The following PTPRJ variants were observed in gnomAD, a reference collection of about 807,000 sequenced individuals.
PTPRJ encodes the protein protein tyrosine phosphatase receptor type J.
A neutral mutation model predicts 141.3 loss-of-function variants in PTPRJ; 129 were observed. The ratio of observed to expected loss-of-function variants is 0.91; its 90% CI spans 0.79 to 1.06. The LOEUF (loss-of-function observed/expected upper bound fraction) is 1.06, where lower values mean the gene tolerates loss of function less well. PTPRJ is among the 50% of genes least tolerant of loss of function. The pLI, the probability that PTPRJ is intolerant of heterozygous loss-of-function variation, is 0.00. For synonymous variants in PTPRJ, 610 were observed against 640.5 expected, an observed-to-expected ratio of 0.95 and a Z score of 0.72; for missense variants, 1,601 against 1,679.7, an observed-to-expected ratio of 0.95 and a Z score of 0.82.
chr11:48,156,990 A>G (rs1037577824), intron 21 of PTPRJ, among the ~76,000 whole-genome samples: 2 of 150,870 alleles, frequency 1.3e-5, no homozygotes, highest in African/African-American at 4.9e-5. Flanking sequence ...CTTCCATCAA[A>G]GATAAGATTT....
chr11:48,014,436 A>G (rs1264707845), intron 1 of PTPRJ: 7 of 152,180 alleles, frequency 4.6e-5, no homozygotes, highest in Non-Finnish European at 1.0e-4. Flanking sequence ...ATCTCATGAG[A>G]CTAATGTTTT....
At chr11:48,075,712 C>T (rs1855381315) in intron 1 of PTPRJ, among the ~76,000 whole-genome samples, 1 of 152,168 alleles carries the variant, frequency 6.6e-6, no homozygotes, top group Non-Finnish European at 1.5e-5. Context: ...CGATTACAGG[C>T]GTGGGCCACC....
chr11:48,118,576 A>T (rs1185482800), intron 3 of PTPRJ, among the ~76,000 whole-genome samples: 1 of 152,224 alleles, frequency 6.6e-6, no homozygotes, highest in Non-Finnish European at 1.5e-5. Context: ...AACCTAATTT[A>T]ACAGCATATT....
At chr11:48,131,608 A>C in intron 8 of PTPRJ, 2 of 749,908 alleles carry the variant, frequency 2.7e-6, no homozygotes, top group South Asian at 2.9e-5. Context: ...CTGTTTTTGT[A>C]AATAAAGTTT....
At chr11:48,130,901 A>G (rs1013787769) in intron 8 of PTPRJ, among the ~76,000 whole-genome samples, 185 bp downstream of exon 8, 2 of 151,586 alleles carry the variant, frequency 1.3e-5, no homozygotes, top group African/African-American at 4.8e-5. Context: ...AAAAACTTAC[A>G]TGGAAACCAT....
intron 11 of PTPRJ, 117 bp from the exon 12 acceptor site, chr11:48,142,802 C>A: frequency 7.8e-7 from 1 of 1,285,166 alleles, no homozygotes; most frequent in African/African-American, 1.5e-5. Flanking sequence ...TTGCACGAGC[C>A]CAGCATGTAG....
chr11:48,161,709 T>C (rs1857782881), intron 22 of PTPRJ, among the ~76,000 whole-genome samples: 1 of 152,090 alleles, frequency 6.6e-6, no homozygotes, highest in Admixed American at 6.6e-5. Flanking sequence ...GCCTCTCGGG[T>C]CCAAGTGATT....
intron 1 of PTPRJ, among the ~76,000 whole-genome samples, chr11:48,028,809 C>T (rs1334455428): frequency 1.3e-5 from 2 of 152,030 alleles, no homozygotes; most frequent in African/African-American, 4.8e-5. Context: ...AACAAACAAA[C>T]AAAAAACCTT....
At chr11:48,163,985 A>G (rs1857849833) in intron 23 of PTPRJ, among the ~76,000 whole-genome samples, 1 of 152,212 alleles carries the variant, frequency 6.6e-6, no homozygotes, top group Non-Finnish European at 1.5e-5. Context: ...AAGTTTGCCA[A>G]CCCCTAACAA....
intron 1 of PTPRJ, among the ~76,000 whole-genome samples, chr11:48,095,994 G>A (rs111248258): frequency 0.013 from 2,030 of 152,254 alleles, 56 homozygotes; most frequent in African/African-American, 0.046. Flanking sequence ...AGAATTGGTG[G>A]CTCACCCATG....
At chr11:48,140,320 G>A (rs1857201272) in intron 11 of PTPRJ, among the ~76,000 whole-genome samples, 1 of 152,238 alleles carries the variant, frequency 6.6e-6, no homozygotes, top group Non-Finnish European at 1.5e-5. Flanking sequence ...GTGAGCCACT[G>A]CGCCTGGTCG....
At chr11:48,120,585 C>T (rs902369076) in intron 3 of PTPRJ, among the ~76,000 whole-genome samples, 1 of 152,016 alleles carries the variant, frequency 6.6e-6, no homozygotes, top group Non-Finnish European at 1.5e-5. Context: ...GCCACCACAC[C>T]CAGCTAATTT....
chr11:48,054,593 G>T (rs1020652194), intron 1 of PTPRJ, among the ~76,000 whole-genome samples: 1 of 148,176 alleles, frequency 6.7e-6, no homozygotes, highest in Non-Finnish European at 1.5e-5. Context: ...TCATTTCACC[G>T]CTTGTTTGCC....
intron 1 of PTPRJ, among the ~76,000 whole-genome samples, chr11:48,080,774 C>T (rs146914913): frequency 2.6e-5 from 4 of 152,198 alleles, no homozygotes; most frequent in Admixed American, 6.5e-5. Context: ...TGAATTCCTC[C>T]ACCTTTAAGC....
intron 1 of PTPRJ, among the ~76,000 whole-genome samples, chr11:47,999,647 T>C (rs1057506406): frequency 6.6e-6 from 1 of 152,140 alleles, no homozygotes; most frequent in East Asian, 1.9e-4. Flanking sequence ...ATTGGTGTTT[T>C]ATTTTCCAAG....
intron 7 of PTPRJ, among the ~76,000 whole-genome samples, chr11:48,130,251 C>A (rs1856939609): frequency 6.6e-6 from 1 of 151,966 alleles, no homozygotes; most frequent in African/African-American, 2.4e-5. Context: ...AAGCACAGAG[C>A]TTCTGCACTC....
At chr11:48,018,670 G>C (rs534177038) in intron 1 of PTPRJ, among the ~76,000 whole-genome samples, 79 of 152,344 alleles carry the variant, frequency 5.2e-4, no homozygotes, top group Middle Eastern at 3.4e-3. Flanking sequence ...GTCAGCGAGG[G>C]GGAGGGGCGT....
intron 1 of PTPRJ, among the ~76,000 whole-genome samples, chr11:48,003,361 A>C (rs1854548117): frequency 6.6e-6 from 1 of 152,320 alleles, no homozygotes; most frequent in South Asian, 2.1e-4. Context: ...GGTATTAGAC[A>C]CATACCACTT....
At chr11:48,081,197 T>A (rs1328129906) in intron 1 of PTPRJ, among the ~76,000 whole-genome samples, 1 of 152,160 alleles carries the variant, frequency 6.6e-6, no homozygotes, top group Non-Finnish European at 1.5e-5. Flanking sequence ...GAACTAAGCA[T>A]TAAAAATAGC....
Sources: gnomAD v4.1 joint callset for allele counts (sites outside exome capture counted in the v4.1 genomes callset) on GRCh38, gnomAD v4.1.1 for gene constraint, MANE v1.5 for transcripts, NCBI Gene and HGNC (gene_info 2026-07-23, HGNC 2026-07-21) for gene names.